SEBOX: variants seen among roughly 807,000 people sequenced by gnomAD.
SEBOX encodes the protein homeobox protein SEBOX.
In SEBOX, 10 loss-of-function variants were observed where a neutral mutation model predicts 7.8. The ratio of observed to expected loss-of-function variants is 1.28; its 90% CI spans 0.79 to 2.17. The LOEUF (loss-of-function observed/expected upper bound fraction) is 2.17. Among genes scored for constraint, SEBOX ranks in the 30% most tolerant of loss-of-function variants. The pLI is 0.00. For synonymous variants in SEBOX, 98 were observed against 91.5 expected, an observed-to-expected ratio of 1.07 and a Z score of -0.40; for missense variants, 240 against 239.5, an observed-to-expected ratio of 1.00 and a Z score of -0.01.
intron 2 of SEBOX, 51 bp downstream of exon 2, chr17:28,364,744 G>A (rs1399937507): frequency 6.2e-7 from 1 of 1,608,114 alleles, no homozygotes; most frequent in Non-Finnish European, 8.5e-7. Context: ...CAGCGAAGGG[G>A]CTGTGGGCCA....
rs1427724813 is a variant in SEBOX, at chr17:28,365,175, C to T, written c.-24G>A. ...ATGGAGCTGGCAAAGGGTAAGGTGC[C>T]AGAGGGCCGTGCCAGAGGGCCATGC... On this transcript the variant is annotated 5_prime_UTR_variant, in exon 1 of 3. Transcript: ENST00000536498. 8 of 1,611,630 alleles carry T rather than the reference C, an allele frequency of 5.0e-6. No individual in the cohort carries two copies. In the East Asian group the frequency reaches 1.3e-4, roughly 27 times the overall value.
At position 28,364,931 on chromosome 17, in the gene SEBOX, T is replaced by C; in HGVS notation, c.56A>G (p.His19Arg). Residue 19 changes from histidine to arginine, a missense_variant, in exon 2 of 3, where the codon CAC (histidine) becomes CGC (arginine). His to Arg is a conservative substitution (Grantham distance 29, BLOSUM62 0). Coordinates refer to ENST00000536498, the MANE Select transcript of SEBOX (RefSeq NM_001080837.4). ...SADGGSGLGS[H>R]RRKRTTFSKG... ...GCTGAAGGTGGTCCGCTTTCTCCGG[T>C]GGGAACCCAACCCGCTGCCACCGTC... 1 of 1,612,644 alleles carries C rather than the reference T, an allele frequency of 6.2e-7. No homozygotes were observed. Among genetic ancestry groups the C allele is most frequent in the South Asian group, 1.1e-5 (1 of 90,802 alleles).
In SEBOX at chr17:28,365,171, G is replaced by C. The variant is rs1555582837; in HGVS notation, c.-20C>G. ...GGGCATGGAGCTGGCAAAGGGTAAG[G>C]TGCCAGAGGGCCGTGCCAGAGGGCC... On this transcript the variant is annotated 5_prime_UTR_variant, in exon 1 of 3. Transcript: ENST00000536498. The C allele has an allele frequency of 1.9e-6, 3 of 1,611,464 alleles. No homozygotes were observed. Among genetic ancestry groups the C allele is most frequent in the Admixed American group, 3.3e-5 (2 of 59,748 alleles).
In SEBOX at chr17:28,364,487, T is replaced by G; in HGVS notation, c.354A>C (p.Thr118=). 1 of 1,608,944 alleles carries G rather than the reference T, an allele frequency of 6.2e-7. No homozygotes were observed. Among genetic ancestry groups the G allele is most frequent in the Non-Finnish European group, 8.5e-7 (1 of 1,176,662 alleles). Reference sequence around the variant, plus strand: ...GTCGACACACTGAGGTGCGCTGAGGTGTGCCGCTGGAGGGTGGAGGTTGGC... The same window carrying G: ...GTCGACACACTGAGGTGCGCTGAGGGGTGCCGCTGGAGGGTGGAGGTTGGC... ...MPGQPPPSSG[T]PQRTSVCRHS... The change falls in exon 3 of 3, where the codon ACA becomes ACC. Residue 118 remains threonine (T), a synonymous_variant. Coordinates refer to ENST00000536498, the MANE Select transcript of SEBOX (RefSeq NM_001080837.4).
At chr17:28,364,990 C>T in intron 1 of SEBOX, 35 bp from the exon 2 acceptor site, 1 of 1,593,800 alleles carries the variant, frequency 6.3e-7, no homozygotes, top group East Asian at 2.3e-5. Flanking sequence ...CTGGGACTCC[C>T]TGCAAGAGCC....
chr17:28,364,610 G>A lies in SEBOX; in HGVS notation c.231C>T (p.Asn77=). ...CAGGGCTTAGAATTCCTGACTTCCT[G>A]TTCTTGATTATTTTGGCCCAGCGCT... ...FQKRWAKIIK[N]RKSGILSPGS... is the part of the protein sequence containing the mutation. Residue 77 remains asparagine, a synonymous_variant, in exon 3 of 3, where the codon AAC becomes AAT. Coordinates refer to ENST00000536498, the MANE Select transcript of SEBOX (RefSeq NM_001080837.4). 2 of 1,547,096 alleles carry A rather than the reference G, an allele frequency of 1.3e-6. No homozygotes were observed. The highest frequency in any genetic ancestry group is 1.7e-6 in the Non-Finnish European group (2 of 1,149,494).
rs1286808461 is a variant in SEBOX at position 28,364,784 on chromosome 17, T to TCACA, written c.192+7_192+10dup. On this transcript the variant is annotated intron_variant, in intron 2 of 2. Coordinates refer to ENST00000536498, the MANE Select transcript of SEBOX (RefSeq NM_001080837.4). ...TAGATGTTGGCTGTGTGAGAAGGGG[T>TCACA]CACAGCTCACCTGTACCTTGGCCTC... 6.2e-7 allele frequency: 1 copy of TCACA among 1,613,316 alleles called. No homozygotes were observed. The highest frequency in any genetic ancestry group is 8.5e-7 in the Non-Finnish European group (1 of 1,179,706).
Position 28,363,978 on chromosome 17 carries a change from C to T in SEBOX, c.*290G>A, listed in dbSNP as rs1555582551. 1.3e-5 allele frequency among the ~76,000 whole-genome samples: 2 copies of T among 152,212 alleles called. No homozygotes were observed. Among genetic ancestry groups the T allele is most frequent in the African/African-American group, 4.8e-5 (2 of 41,458 alleles). ...GGCAAGAGTGGAGGAAAACATGACC[C>T]TCATCTCATCCTTCTGAAGGTACCA... On this transcript the variant is annotated 3_prime_UTR_variant, in exon 3 of 3. Transcript: ENST00000536498.
In SEBOX at chr17:28,364,288, C is replaced by A; in HGVS notation, c.553G>T (p.Val185Phe). Residue 185 changes from valine to phenylalanine, a missense_variant, in exon 3 of 3, where the codon GTC becomes TTC. Val to Phe is a conservative substitution (Grantham distance 50, BLOSUM62 -1). Coordinates refer to ENST00000536498, the MANE Select transcript of SEBOX (RefSeq NM_001080837.4). ...AAAGACTAGGAGTGGTCCACATTGA[C>A]GACAATGGCCAAGGCATAGATGAGG... The part of the protein sequence containing the change: ...SDLIYALAIV[V>F]NVDHS 1 of 1,606,984 alleles carries A rather than the reference C, an allele frequency of 6.2e-7. No individual in the cohort carries two copies. The highest frequency in any genetic ancestry group is 8.5e-7 in the Non-Finnish European group (1 of 1,176,684).
Position 28,364,302 on chromosome 17 carries a change from G to T in SEBOX, c.539C>A (p.Ala180Asp). 1 of 1,606,054 alleles carries T rather than the reference G, an allele frequency of 6.2e-7. No homozygotes were observed. Among genetic ancestry groups the T allele is most frequent in the South Asian group, 1.1e-5 (1 of 89,408 alleles). ...GTCCACATTGACGACAATGGCCAAG[G>T]CATAGATGAGGTCAGACAGGCTGCC... is the stretch of plus-strand genomic sequence containing the variant. ...SLGSLSDLIY[A>D]LAIVVNVDHS The change falls in exon 3 of 3, where the codon GCC (alanine) becomes GAC (aspartate). Residue 180 changes from alanine (A) to aspartate (D), a missense_variant. By Grantham distance (126) the Ala-to-Asp change is moderately radical. Transcript: ENST00000536498.
chr17:28,365,074 C>T, intron 1 of SEBOX, 47 bp downstream of exon 1: 3 of 1,587,438 alleles, frequency 1.9e-6, no homozygotes, highest in Non-Finnish European at 2.6e-6. Flanking sequence ...CCTCATCCTA[C>T]CATGGCCTGC....
Position 28,364,419 on chromosome 17 carries a change from C to A in SEBOX, c.422G>T (p.Trp141Leu). 1 of 1,591,508 alleles carries A rather than the reference C, an allele frequency of 6.3e-7. No individual in the cohort carries two copies. Among genetic ancestry groups the A allele is most frequent in the East Asian group, 2.3e-5 (1 of 43,822 alleles). The change falls in exon 3 of 3, where the codon TGG (tryptophan) becomes TTG (leucine). Residue 141 changes from tryptophan to leucine, a missense_variant. Transcript: ENST00000536498. ...PAPGLSPRQG[W>L]EGAKAVAPWG... ...TGGGGCTACAGCTTTAGCCCCTTCCCAGCCCTGCCGTGGACTCAAGCCAGG... is the reference window on the plus strand; with the variant it reads ...TGGGGCTACAGCTTTAGCCCCTTCCAAGCCCTGCCGTGGACTCAAGCCAGG...
intron 2 of SEBOX, 40 bp from the exon 3 acceptor site, chr17:28,364,688 T>C (rs1555582742): frequency 6.4e-7 from 1 of 1,568,682 alleles, no homozygotes; most frequent in African/African-American, 1.4e-5. Context: ...GGCCCCAGCA[T>C]CCCCTCCACC....
rs781849455 is a variant in SEBOX, at chr17:28,365,177, G to A, written c.-26C>T. ...GGAGCTGGCAAAGGGTAAGGTGCCA[G>A]AGGGCCGTGCCAGAGGGCCATGCCA... On this transcript the variant is annotated 5_prime_UTR_variant, in exon 1 of 3. Transcript: ENST00000536498. 1.6e-5 allele frequency: 26 copies of A among 1,611,760 alleles called. No individual in the cohort carries two copies. In the African/African-American group the frequency reaches 2.7e-4, roughly 17 times the overall value.
At chr17:28,365,094 C>T (rs200524270) in intron 1 of SEBOX, 27 bp downstream of exon 1, 183 of 1,598,110 alleles carry the variant, frequency 1.1e-4, no homozygotes, top group Non-Finnish European at 2.1e-5. Context: ...CGTTCTCACC[C>T]TGCCCACACT....
chr17:28,364,380 C>G lies in SEBOX; in HGVS notation c.461G>C (p.Gly154Ala), dbSNP rs781855347. The stretch of plus-strand genomic sequence containing the variant: ...TAAAGAAGGGTGGACCTCTGAAGCC[C>G]CAGCTGATCCCCATGGGGCTACAGC... Reference protein sequence around the residue: ...AKAVAPWGSAGASEVHPSLER... With the variant: ...AKAVAPWGSAAASEVHPSLER... The change falls in exon 3 of 3, where the codon GGG becomes GCG. Residue 154 changes from glycine (G) to alanine (A), a missense_variant. Transcript: ENST00000536498. 2 of 1,591,868 alleles carry G rather than the reference C, an allele frequency of 1.3e-6. No homozygotes were observed. The highest frequency in any genetic ancestry group is 2.3e-5 in the South Asian group (2 of 88,494).
At position 28,364,943 on chromosome 17, in the gene SEBOX, C is replaced by T. The variant is rs1555582792; in HGVS notation, c.44G>A (p.Gly15Glu). The T allele has an allele frequency of 1.2e-6, 2 of 1,610,866 alleles. No homozygotes were observed. The highest frequency in any genetic ancestry group is 2.2e-5 in the East Asian group (1 of 44,772). ...VDASSADGGS[G>E]LGSHRRKRTT... is the part of the protein sequence containing the mutation. ...CCGCTTTCTCCGGTGGGAACCCAACCCGCTGCCACCGTCTGCAGGCCATGG... is the reference window on the plus strand; with the variant it reads ...CCGCTTTCTCCGGTGGGAACCCAACTCGCTGCCACCGTCTGCAGGCCATGG... Residue 15 changes from glycine to glutamate, a missense_variant, in exon 2 of 3, where the codon GGG becomes GAG. Coordinates refer to ENST00000536498, the MANE Select transcript of SEBOX (RefSeq NM_001080837.4).
Position 28,364,227 on chromosome 17 carries a change from A to AGT in SEBOX, c.*40_*41insAC. 1.3e-6 allele frequency: 2 copies of AGT among 1,563,646 alleles called. No individual in the cohort carries two copies. On this transcript the variant is annotated 3_prime_UTR_variant, in exon 3 of 3. Coordinates refer to ENST00000536498, the MANE Select transcript of SEBOX (RefSeq NM_001080837.4). ...AATCCCAGGAGGGGCAGGGTGGGCC[A>AGT]CAGGAGTCAGAGGAGGGGCCTTGCA...
intron 1 of SEBOX, 41 bp downstream of exon 1, chr17:28,365,080 C>T: frequency 1.9e-6 from 3 of 1,588,490 alleles, no homozygotes; most frequent in Non-Finnish European, 2.6e-6. Context: ...CCTACCATGG[C>T]CTGCGTTCTC....
Sources: gnomAD v4.1 joint callset for allele counts (sites outside exome capture counted in the v4.1 genomes callset) on GRCh38, gnomAD v4.1.1 for gene constraint, MANE v1.5 for transcripts, NCBI Gene and HGNC (gene_info 2026-07-23, HGNC 2026-07-21) for gene names.